APPL2: variants seen among roughly 807,000 people sequenced by gnomAD.
APPL2 encodes the protein DCC-interacting protein 13-beta.
Under a neutral mutation model 92.7 loss-of-function variants are expected in APPL2, and 84 were observed. The observed-to-expected ratio is 0.91, with a 90% CI of 0.76 to 1.09. The LOEUF is 1.09. Ranked by LOEUF, APPL2 falls within the 50% of genes least tolerant of loss-of-function variation. APPL2 has a pLI of 0.00. For missense variants in APPL2, 736 were observed against 824.5 expected (o/e 0.89, Z 1.31); for synonymous variants, 291 against 291.0 (o/e 1.00, Z 0.00).
At chr12:105,214,947 C>G (rs1239717348) in intron 4 of APPL2, among the ~76,000 whole-genome samples, 1 of 152,186 alleles carries the variant, frequency 6.6e-6, no homozygotes. Flanking sequence ...ATTAAAACAC[C>G]TGGCAGAGCC....
intron 13 of APPL2, 31 bp downstream of exon 13, chr12:105,195,414 A>G (rs1173713542): frequency 6.2e-7 from 1 of 1,614,122 alleles, no homozygotes; most frequent in East Asian, 2.2e-5. Flanking sequence ...AGGTTGAGAA[A>G]AGGGCTGAGA....
At chr12:105,213,731 C>A (rs558635507) in intron 4 of APPL2, among the ~76,000 whole-genome samples, 1 of 152,262 alleles carries the variant, frequency 6.6e-6, no homozygotes, top group Admixed American at 6.5e-5. Context: ...TTTTTTCAAC[C>A]TGGTTTAGGC....
intron 17 of APPL2, among the ~76,000 whole-genome samples, chr12:105,186,631 T>TATAAG (rs1886655201): frequency 8.2e-6 from 1 of 121,772 alleles, no homozygotes; most frequent in Non-Finnish European, 1.6e-5. Flanking sequence ...ATATATCATA[T>TATAAG]ATATCATATA....
intron 4 of APPL2, among the ~76,000 whole-genome samples, chr12:105,216,618 G>A (rs1255167270): frequency 4.6e-5 from 7 of 152,180 alleles, no homozygotes; most frequent in Admixed American, 3.9e-4. Context: ...TGCTGCCACA[G>A]CCAAGGAACA....
chr12:105,195,399 C>T (rs560954651), intron 13 of APPL2, 46 bp downstream of exon 13: 2 of 1,614,108 alleles, frequency 1.2e-6, no homozygotes, highest in African/African-American at 2.7e-5. Context: ...GGACGCTTAC[C>T]TTCCAGGTTG....
At chr12:105,206,440 C>T (rs1467849724) in intron 8 of APPL2, among the ~76,000 whole-genome samples, 2 of 152,200 alleles carry the variant, frequency 1.3e-5, no homozygotes, top group Non-Finnish European at 2.9e-5. Context: ...TGCCATCAGC[C>T]TCACACTCAC....
In APPL2 at chr12:105,211,241, T is replaced by C; in HGVS notation, c.362A>G (p.Lys121Arg). The C allele has an allele frequency of 5.6e-6, 9 of 1,611,754 alleles. No homozygotes were observed. The highest frequency in any genetic ancestry group is 7.6e-6 in the Non-Finnish European group (9 of 1,177,934). ...MVLPIIQFREKDLTEVSTLKD... is the reference protein window; with the variant it reads ...MVLPIIQFRERDLTEVSTLKD... ...CTCAGTTACTTTACCTGTGAGATCC[T>C]TTTCTCGGAATTGTATGATAGGTAG... The change falls in exon 5 of 21, where the codon AAG becomes AGG. Residue 121 changes from lysine (K) to arginine (R), a missense_variant. Physicochemically the swap from Lys to Arg is conservative, Grantham distance 26. Coordinates refer to ENST00000258530, the MANE Select transcript of APPL2 (RefSeq NM_018171.5).
At chr12:105,217,826 G>A in intron 2 of APPL2, 101 bp from the exon 3 acceptor site, 1 of 1,076,430 alleles carries the variant, frequency 9.3e-7, no homozygotes. Context: ...ATATTGGCTG[G>A]GTCCAGTGGT....
chr12:105,233,848 A>T (rs1891079711), intron 1 of APPL2, among the ~76,000 whole-genome samples: 1 of 152,252 alleles, frequency 6.6e-6, no homozygotes, highest in Non-Finnish European at 1.5e-5. Flanking sequence ...GAGTTAATAT[A>T]TGTAAAGCAT....
intron 8 of APPL2, among the ~76,000 whole-genome samples, chr12:105,205,290 G>A (rs1888604863): frequency 6.6e-6 from 1 of 152,230 alleles, no homozygotes. Context: ...TAGGGAAAGG[G>A]CCTACTTGGT....
At chr12:105,177,378 T>TA (rs1885658024) in intron 17 of APPL2, 116 bp from the exon 18 acceptor site, 1 of 1,135,508 alleles carries the variant, frequency 8.8e-7, no homozygotes, top group Non-Finnish European at 1.3e-6. Flanking sequence ...TAAAGCCTGT[T>TA]AGAGGGTGAG....
intron 11 of APPL2, among the ~76,000 whole-genome samples, chr12:105,196,630 G>A (rs1887677328): frequency 2.6e-5 from 4 of 152,010 alleles, no homozygotes; most frequent in African/African-American, 4.8e-5. Flanking sequence ...CAGTAGAGAC[G>A]GGGTTTCTCC....
chr12:105,214,045 C>G (rs1208075795), intron 4 of APPL2, among the ~76,000 whole-genome samples: 1 of 151,982 alleles, frequency 6.6e-6, no homozygotes, highest in Non-Finnish European at 1.5e-5. Flanking sequence ...ATTGGCCGGG[C>G]GTGGTGGTGC....
intron 4 of APPL2, among the ~76,000 whole-genome samples, chr12:105,215,361 CA>C (rs1373094123): frequency 2.0e-5 from 3 of 152,142 alleles, no homozygotes; most frequent in Non-Finnish European, 4.4e-5. Context: ...AAAACCCACA[CA>C]TTTTGGTGAC....
intron 1 of APPL2, among the ~76,000 whole-genome samples, chr12:105,232,006 C>T (rs1234962038): frequency 1.3e-5 from 2 of 152,178 alleles, no homozygotes; most frequent in East Asian, 3.8e-4. Flanking sequence ...CAGAAAGACA[C>T]GGTCAGAAAG....
intron 11 of APPL2, 131 bp from the exon 12 acceptor site, chr12:105,195,758 A>C: frequency 9.9e-7 from 1 of 1,010,820 alleles, no homozygotes; most frequent in East Asian, 2.5e-5. Context: ...AGAGGGAAAG[A>C]AAATGGGGTT....
At chr12:105,226,309 ACT>A (rs1890499300) in intron 2 of APPL2, among the ~76,000 whole-genome samples, 1 of 152,044 alleles carries the variant, frequency 6.6e-6, no homozygotes, top group Admixed American at 6.5e-5. Context: ...TCACTGCTTG[ACT>A]CTGTCTTTGA....
Position 105,187,940 on chromosome 12 carries a change from TA to T in APPL2, c.1634+332del, listed in dbSNP as rs374452529. Among the ~76,000 whole-genome samples the T allele has an allele frequency of 2.8e-4, 42 of 151,918 alleles. 1 individual carries two copies. Among genetic ancestry groups the T allele is most frequent in the South Asian group, 2.5e-3 (12 of 4,808 alleles). On this transcript the variant is annotated intron_variant, in intron 17 of 20. Transcript: ENST00000258530. ...GGCAGATTTTTAAGTTTTTTTCCAT[TA>T]TTTTTTATAAATAGTACTCTCAGAA...
At chr12:105,187,579 G>A (rs762690818) in intron 17 of APPL2, among the ~76,000 whole-genome samples, 22 of 152,168 alleles carry the variant, frequency 1.4e-4, no homozygotes, top group East Asian at 5.8e-4. Flanking sequence ...ATATGTCATC[G>A]AAGTTTTTCC....
Sources: allele counts gnomAD v4.1 joint callset (sites outside exome capture counted in the v4.1 genomes callset), GRCh38; gene constraint gnomAD v4.1.1; transcripts MANE v1.5; gene names NCBI Gene and HGNC (gene_info 2026-07-23, HGNC 2026-07-21).